The following TSPAN14 variants were observed in gnomAD, a reference collection of about 807,000 sequenced individuals.
The protein encoded by TSPAN14 is tetraspanin 14.
Under a neutral mutation model 36.6 loss-of-function variants are expected in TSPAN14, and 16 were observed. The observed-to-expected ratio is 0.44, with a 90% CI of 0.30 to 0.66. The LOEUF (loss-of-function observed/expected upper bound fraction) is 0.66. Among genes scored for constraint, TSPAN14 ranks in the 30% least tolerant of loss-of-function variants. TSPAN14 has a pLI of 0.12. For synonymous variants in TSPAN14, 139 were observed against 143.8 expected, an observed-to-expected ratio of 0.97 and a Z score of 0.24; for missense variants, 231 against 355.1, an observed-to-expected ratio of 0.65 and a Z score of 2.81.
intron 1 of TSPAN14, among the ~76,000 whole-genome samples, chr10:80,485,185 T>C (rs1435370290): frequency 6.9e-6 from 1 of 145,956 alleles, no homozygotes; most frequent in Non-Finnish European, 1.5e-5. Context: ...TTAGGAAGGT[T>C]CTTAGTCATG....
At chr10:80,459,721 C>T (rs1053702029) in intron 1 of TSPAN14, among the ~76,000 whole-genome samples, 4 of 152,182 alleles carry the variant, frequency 2.6e-5, no homozygotes, top group African/African-American at 9.7e-5. Context: ...AGTTCGGAGC[C>T]CTAACATCCA....
At chr10:80,482,601 T>C (rs905631304) in intron 1 of TSPAN14, among the ~76,000 whole-genome samples, 4 of 151,110 alleles carry the variant, frequency 2.6e-5, no homozygotes, top group African/African-American at 4.9e-5. Context: ...ACAAAACTCA[T>C]TTTAGTTGTG....
At chr10:80,494,042 G>C (rs776084923) in intron 2 of TSPAN14, among the ~76,000 whole-genome samples, 7 of 152,244 alleles carry the variant, frequency 4.6e-5, no homozygotes, top group Non-Finnish European at 8.8e-5. Flanking sequence ...ATCTGCTTCA[G>C]AGATGGATTA....
intron 1 of TSPAN14, among the ~76,000 whole-genome samples, chr10:80,480,981 C>T (rs1030943899): frequency 1.3e-5 from 2 of 151,928 alleles, no homozygotes; most frequent in Non-Finnish European, 2.9e-5. Context: ...TGGTGCATGC[C>T]TGTATCCTAG....
chr10:80,463,297 T>C (rs1308461406), intron 1 of TSPAN14, among the ~76,000 whole-genome samples: 1 of 152,164 alleles, frequency 6.6e-6, no homozygotes, highest in East Asian at 1.9e-4. Context: ...TAAATATTAA[T>C]TTAGGTTTAA....
At chr10:80,488,696 C>T (rs1001589017) in intron 1 of TSPAN14, among the ~76,000 whole-genome samples, 2 of 152,118 alleles carry the variant, frequency 1.3e-5, no homozygotes, top group African/African-American at 4.8e-5. Flanking sequence ...GGATCATGTC[C>T]AGACCTGCCT....
intron 1 of TSPAN14, among the ~76,000 whole-genome samples, chr10:80,468,241 A>G (rs117685683): frequency 0.02 from 3,076 of 151,392 alleles, 58 homozygotes; most frequent in Non-Finnish European, 0.03. Context: ...ACTTCCTCCC[A>G]TTGTCTTCGG....
Position 80,476,169 on chromosome 10 carries a change from C to T in TSPAN14, c.-17-13048C>T, listed in dbSNP as rs146235594. Reference sequence around the variant, plus strand: ...GGCGAATTGCTTGAGCCCAGGAGTTCGAGTCCAGCCTGGGCAACATAGTGA... The same window carrying T: ...GGCGAATTGCTTGAGCCCAGGAGTTTGAGTCCAGCCTGGGCAACATAGTGA... On this transcript the variant is annotated intron_variant, in intron 1 of 8. Coordinates refer to ENST00000429989, the Ensembl canonical transcript of TSPAN14. 4.8e-3 allele frequency among the ~76,000 whole-genome samples: 725 copies of T among 151,966 alleles called. 5 individuals carry two copies. The highest frequency in any genetic ancestry group is 0.017 in the African/African-American group (685 of 41,426).
At chr10:80,479,212 G>A (rs1847098561) in intron 1 of TSPAN14, among the ~76,000 whole-genome samples, 1 of 151,660 alleles carries the variant, frequency 6.6e-6, no homozygotes, top group Non-Finnish European at 1.5e-5. Context: ...AGATGAGTAG[G>A]TTGCGAAAAT....
At chr10:80,506,100 T>C (rs1208492250) in intron 3 of TSPAN14, among the ~76,000 whole-genome samples, 1 of 152,186 alleles carries the variant, frequency 6.6e-6, no homozygotes, top group East Asian at 1.9e-4. Flanking sequence ...CCCTCCCAAA[T>C]AGCTGGGATT....
intron 4 of TSPAN14, among the ~76,000 whole-genome samples, chr10:80,508,518 G>A (rs1011614718): frequency 3.3e-5 from 5 of 152,182 alleles, no homozygotes; most frequent in African/African-American, 7.2e-5. Flanking sequence ...CTGTGAGAGC[G>A]CAGACTGCAG....
At chr10:80,482,653 G>A (rs545790464) in intron 1 of TSPAN14, among the ~76,000 whole-genome samples, 8 of 149,866 alleles carry the variant, frequency 5.3e-5, no homozygotes, top group African/African-American at 2.0e-4. Context: ...TTTGTTAAAT[G>A]TATTTCTTAC....
chr10:80,458,183 T>A (rs1268259570), intron 1 of TSPAN14, among the ~76,000 whole-genome samples: 1 of 152,204 alleles, frequency 6.6e-6, no homozygotes, highest in Non-Finnish European at 1.5e-5. Flanking sequence ...TCCCCACTTT[T>A]GTGGGACTCG....
chr10:80,494,929 C>A (rs562125387), intron 2 of TSPAN14, among the ~76,000 whole-genome samples: 1 of 152,196 alleles, frequency 6.6e-6, no homozygotes, highest in Non-Finnish European at 1.5e-5. Context: ...CATGCCCCAG[C>A]GTCCTGTCTG....
intron 1 of TSPAN14, among the ~76,000 whole-genome samples, chr10:80,476,542 A>G (rs1288634082): frequency 1.3e-5 from 2 of 149,902 alleles, no homozygotes; most frequent in Non-Finnish European, 3.0e-5. Flanking sequence ...CAGCCTCCCG[A>G]GTAGCTGGGA....
chr10:80,481,538 T>C lies in TSPAN14; in HGVS notation c.-17-7679T>C, dbSNP rs190908053. ...CCAGCCAGCACTGCAGTTTAATTAGTGGAGAGATTGGAAAGGACAAGCATG... is the reference window on the plus strand; with the variant it reads ...CCAGCCAGCACTGCAGTTTAATTAGCGGAGAGATTGGAAAGGACAAGCATG... On this transcript the variant is annotated intron_variant, in intron 1 of 8. Coordinates refer to ENST00000429989, the Ensembl canonical transcript of TSPAN14. Among the ~76,000 whole-genome samples, 264 of 152,112 alleles carry C rather than the reference T, an allele frequency of 1.7e-3. 1 individual carries two copies. Among genetic ancestry groups the C allele is most frequent in the African/African-American group, 6.2e-3 (259 of 41,512 alleles).
At chr10:80,473,751 G>A (rs79433122) in intron 1 of TSPAN14, among the ~76,000 whole-genome samples, 3,658 of 145,766 alleles carry the variant, frequency 0.025, 146 homozygotes, top group African/African-American at 0.086. Context: ...AGGTTCACAT[G>A]CCACGGTGTC....
At chr10:80,505,276 T>C (rs977689394) in intron 3 of TSPAN14, among the ~76,000 whole-genome samples, 5 of 150,018 alleles carry the variant, frequency 3.3e-5, no homozygotes, top group African/African-American at 1.2e-4. Flanking sequence ...AGGGGAGGAG[T>C]GGAGACCTGG....
At chr10:80,461,296 C>A (rs1845954194) in intron 1 of TSPAN14, among the ~76,000 whole-genome samples, 6 of 152,226 alleles carry the variant, frequency 3.9e-5, no homozygotes, top group Admixed American at 3.9e-4. Context: ...TAAGGAAAAC[C>A]TGTCGGCTGT....
Sources: allele counts gnomAD v4.1 joint callset (sites outside exome capture counted in the v4.1 genomes callset), GRCh38; gene constraint gnomAD v4.1.1; transcripts MANE v1.5; gene names NCBI Gene and HGNC (gene_info 2026-07-23, HGNC 2026-07-21).